COP1: variants seen among roughly 807,000 people sequenced by gnomAD.
The protein encoded by COP1 is E3 ubiquitin-protein ligase COP1.
COP1 carries 24 observed loss-of-function variants against 101.3 expected under a neutral mutation model. The ratio of observed to expected loss-of-function variants is 0.24; its 90% CI spans 0.17 to 0.33. COP1 has a LOEUF of 0.33. Ranked by LOEUF, COP1 falls within the 10% of genes least tolerant of loss-of-function variation. The probability of loss-of-function intolerance (pLI) is 1.00; values close to 1 mark genes in which losing one functional copy is unlikely to be tolerated. For synonymous variants in COP1, 347 were observed against 341.9 expected (o/e 1.01, Z -0.17); for missense variants, 663 against 906.2 (o/e 0.73, Z 3.45).
chr1:176,100,252 G>T, intron 9 of COP1: 1 of 247,346 alleles, frequency 4.0e-6, no homozygotes. Context: ...TACCAGGTGT[G>T]GAGGCAGGCG....
chr1:176,037,628 A>G (rs1158126263), intron 14 of COP1, among the ~76,000 whole-genome samples: 2 of 152,156 alleles, frequency 1.3e-5, no homozygotes, highest in East Asian at 3.8e-4. Flanking sequence ...TTATCCTGGG[A>G]ATGTATGGCT....
chr1:175,982,151 C>G (rs966524611), intron 18 of COP1, among the ~76,000 whole-genome samples: 14 of 152,200 alleles, frequency 9.2e-5, no homozygotes, highest in African/African-American at 3.4e-4. Context: ...GCAATATGAC[C>G]TAGCAATTAC....
chr1:176,145,507 A>T (rs546832481), intron 6 of COP1, among the ~76,000 whole-genome samples: 17 of 152,306 alleles, frequency 1.1e-4, no homozygotes, highest in Non-Finnish European at 1.6e-4. Context: ...ACTTCTAAAT[A>T]CATTCCATAT....
rs546891235 is a variant in COP1, at chr1:176,007,048, C to T, written c.1730-17569G>A. On this transcript the variant is annotated intron_variant, in intron 15 of 19. Coordinates refer to ENST00000367669, the MANE Select transcript of COP1 (RefSeq NM_022457.7). Reference sequence around the variant, plus strand: ...TATTTCTTGGAGGCTTTGCTCATTTCTTTTTATTCTTTTTTCTCTAAACTT... The same window carrying T: ...TATTTCTTGGAGGCTTTGCTCATTTTTTTTTATTCTTTTTTCTCTAAACTT... 2.0e-5 allele frequency among the ~76,000 whole-genome samples: 3 copies of T among 152,196 alleles called. No individual in the cohort carries two copies. The South Asian group carries it at 6.2e-4, about 32-fold the overall frequency.
intron 9 of COP1, among the ~76,000 whole-genome samples, chr1:176,093,077 T>C (rs950472637): frequency 1.3e-5 from 2 of 152,214 alleles, no homozygotes; most frequent in Non-Finnish European, 2.9e-5. Flanking sequence ...TACTATAATA[T>C]TTTTATAAAG....
At chr1:176,023,594 T>C (rs1227802831) in intron 15 of COP1, among the ~76,000 whole-genome samples, 1 of 151,494 alleles carries the variant, frequency 6.6e-6, no homozygotes, top group African/African-American at 2.4e-5. Flanking sequence ...GGCATATGCC[T>C]GTAATCCCAG....
At chr1:176,135,623 A>G (rs780396692) in intron 7 of COP1, among the ~76,000 whole-genome samples, 5 of 152,170 alleles carry the variant, frequency 3.3e-5, no homozygotes, top group South Asian at 4.1e-4. Context: ...CTTAGACTCT[A>G]ATTTTTGATC....
chr1:176,178,381 G>A (rs1697258900), intron 2 of COP1, among the ~76,000 whole-genome samples: 1 of 151,510 alleles, frequency 6.6e-6, no homozygotes, highest in African/African-American at 2.4e-5. Context: ...AATTAGCTGG[G>A]CCTGGTTCTG....
At chr1:176,063,667 T>C (rs1675385534) in intron 11 of COP1, among the ~76,000 whole-genome samples, 2 of 152,208 alleles carry the variant, frequency 1.3e-5, no homozygotes, top group African/African-American at 4.8e-5. Flanking sequence ...ACAGCCCTGT[T>C]TCAATGTTAG....
intron 6 of COP1, among the ~76,000 whole-genome samples, chr1:176,137,687 A>G (rs950070529): frequency 2.0e-5 from 3 of 152,176 alleles, no homozygotes; most frequent in Admixed American, 6.6e-5. Context: ...TTTAACTACT[A>G]TTCTTTACTA....
Position 176,061,345 on chromosome 1 carries a change from C to T in COP1, c.1278-15021G>A, listed in dbSNP as rs780837619. 1.8e-4 allele frequency among the ~76,000 whole-genome samples: 28 copies of T among 152,272 alleles called. No homozygotes were observed. In the Middle Eastern group the frequency reaches 0.01, roughly 55 times the overall value. ...ATACTGGCAGGAAAAAACTGAACCT[C>T]GGCTAGGCATGGTGGCTCACGCCTG... On this transcript the variant is annotated intron_variant, in intron 11 of 19. Coordinates refer to ENST00000367669, the MANE Select transcript of COP1 (RefSeq NM_022457.7).
At chr1:176,205,578 G>A (rs1482977842) in intron 1 of COP1, among the ~76,000 whole-genome samples, 1 of 152,116 alleles carries the variant, frequency 6.6e-6, no homozygotes, top group African/African-American at 2.4e-5. Flanking sequence ...CCTCAAAAAG[G>A]AAAGTACGAA....
intron 8 of COP1, among the ~76,000 whole-genome samples, chr1:176,130,159 T>C (rs1322684436): frequency 1.3e-5 from 2 of 151,748 alleles, no homozygotes; most frequent in African/African-American, 2.4e-5. Flanking sequence ...CATTGTCCTA[T>C]TTGCCAGGAA....
chr1:176,163,873 TTAAGAA>T lies in COP1; in HGVS notation c.578_583del (p.Ile193_Leu194del). On this transcript the variant is annotated inframe_deletion, in exon 4 of 20. Coordinates refer to ENST00000367669, the MANE Select transcript of COP1 (RefSeq NM_022457.7). The stretch of plus-strand genomic sequence containing the variant: ...CTTTTCCTCAAATCTTTGCTTCTGT[TTAAGAA>T]TGAGTTCATTCACTGAAAACAGAAA... 1 of 1,607,462 alleles carries T rather than the reference TTAAGAA, an allele frequency of 6.2e-7. No homozygotes were observed. Among genetic ancestry groups the T allele is most frequent in the African/African-American group, 1.3e-5 (1 of 74,882 alleles).
intron 8 of COP1, among the ~76,000 whole-genome samples, chr1:176,129,696 G>A (rs1334622115): frequency 6.6e-6 from 1 of 151,728 alleles, no homozygotes; most frequent in Non-Finnish European, 1.5e-5. Context: ...TAAGTTATCC[G>A]ATGTTCTGAA....
intron 18 of COP1, among the ~76,000 whole-genome samples, chr1:175,983,884 G>A (rs369674298): frequency 1.3e-5 from 2 of 152,214 alleles, no homozygotes; most frequent in Non-Finnish European, 2.9e-5. Context: ...CTGTCCTTGA[G>A]AGAGATGAGT....
At chr1:175,992,849 C>T (rs1166345926) in intron 15 of COP1, among the ~76,000 whole-genome samples, 1 of 152,212 alleles carries the variant, frequency 6.6e-6, no homozygotes, top group Non-Finnish European at 1.5e-5. Context: ...GTAACCTCTG[C>T]AGACTTAAAT....
intron 15 of COP1, among the ~76,000 whole-genome samples, chr1:176,003,356 T>A (rs1328041512): frequency 5.3e-5 from 8 of 151,444 alleles, no homozygotes; most frequent in South Asian, 2.1e-4. Flanking sequence ...TTAGTTTAAT[T>A]AGATCCCATT....
In COP1 at chr1:176,135,097, AATT is replaced by A; in HGVS notation, c.892-14_892-12del. 6.6e-7 allele frequency: 1 copy of A among 1,515,846 alleles called. No individual in the cohort carries two copies. The highest frequency in any genetic ancestry group is 1.1e-5 in the South Asian group (1 of 88,180). 93.9% of individuals were successfully genotyped at this position (1,515,846 alleles called of 1,614,324 possible). On this transcript the variant is annotated splice_polypyrimidine_tract_variant and intron_variant, in intron 7 of 19. Transcript: ENST00000367669. ...TAAGCCACTCATTTCCTGAAAATAA[AATT>A]ATTTGAATTATAGTAGATATTTCAA...
Sources: gnomAD v4.1 joint callset for allele counts (sites outside exome capture counted in the v4.1 genomes callset) on GRCh38, gnomAD v4.1.1 for gene constraint, MANE v1.5 for transcripts, NCBI Gene and HGNC (gene_info 2026-07-23, HGNC 2026-07-21) for gene names.